PPP2R2C: variants seen among roughly 807,000 people sequenced by gnomAD.
PPP2R2C encodes the protein protein phosphatase 2 regulatory subunit Bgamma.
In PPP2R2C, 10 loss-of-function variants were observed where a neutral mutation model predicts 45.3. That is an observed-to-expected ratio of 0.22 (90% confidence interval 0.14 to 0.37). The LOEUF is 0.37. PPP2R2C is among the 10% of genes least tolerant of loss of function. The pLI is 1.00. For synonymous variants in PPP2R2C, 257 were observed against 245.4 expected, an observed-to-expected ratio of 1.05 and a Z score of -0.44; for missense variants, 308 against 619.7, an observed-to-expected ratio of 0.50 and a Z score of 5.34.
At chr4:6,511,601 G>T (rs372837167) in intron 2 of PPP2R2C, among the ~76,000 whole-genome samples, 18 of 1,428 alleles carry the variant, frequency 0.013, no homozygotes, top group Non-Finnish European at 0.011. Flanking sequence ...GTGGTGATGG[G>T]GGTGGTGGTG....
chr4:6,360,097 A>T (rs759614234), intron 5 of PPP2R2C, among the ~76,000 whole-genome samples: 1 of 152,236 alleles, frequency 6.6e-6, no homozygotes. Flanking sequence ...TGCCTAGCAC[A>T]GACCAGTCAA....
At chr4:6,448,171 A>T (rs1221259989) in intron 1 of PPP2R2C, among the ~76,000 whole-genome samples, 1 of 152,208 alleles carries the variant, frequency 6.6e-6, no homozygotes, top group Non-Finnish European at 1.5e-5. Context: ...TCTCTGTGCC[A>T]GACTCCGTCA....
At chr4:6,474,321 G>T (rs1722059709), upstream of PPP2R2C, among the ~76,000 whole-genome samples, 1 of 152,058 alleles carries the variant, frequency 6.6e-6, no homozygotes, top group Non-Finnish European at 1.5e-5. Flanking sequence ...CTGACCACAA[G>T]GGGGCCCAGG....
intron 2 of PPP2R2C, among the ~76,000 whole-genome samples, chr4:6,527,524 A>G (rs2108819156): frequency 6.6e-6 from 1 of 152,304 alleles, no homozygotes; most frequent in East Asian, 1.9e-4. Context: ...TGAGAATACC[A>G]TGAGAACACA....
chr4:6,449,630 T>C (rs1199285214), intron 1 of PPP2R2C, among the ~76,000 whole-genome samples: 12 of 152,140 alleles, frequency 7.9e-5, no homozygotes, highest in Non-Finnish European at 2.9e-5. Context: ...GAAAGCAATA[T>C]ATTCAGCAGG....
intron 5 of PPP2R2C, among the ~76,000 whole-genome samples, chr4:6,360,299 T>C (rs1713609919): frequency 6.6e-6 from 1 of 152,214 alleles, no homozygotes; most frequent in Non-Finnish European, 1.5e-5. Flanking sequence ...TTCCACACCA[T>C]CTGCAGCTTT....
upstream of PPP2R2C, among the ~76,000 whole-genome samples, chr4:6,474,160 G>A (rs1463792459): frequency 6.6e-6 from 1 of 150,380 alleles, no homozygotes; most frequent in Non-Finnish European, 1.5e-5. Flanking sequence ...CACCTGGCAT[G>A]TTCTCCTCTC....
intron 2 of PPP2R2C, chr4:6,380,431 G>T (rs1560498847): frequency 6.5e-6 from 1 of 153,450 alleles, no homozygotes; most frequent in Admixed American, 6.5e-5. Context: ...GTGAGGACAG[G>T]GGTGAGGACA....
chr4:6,395,090 T>A (rs1051491995), intron 1 of PPP2R2C, among the ~76,000 whole-genome samples: 2 of 152,118 alleles, frequency 1.3e-5, no homozygotes, highest in Non-Finnish European at 2.9e-5. Context: ...GTCTTCATCT[T>A]GACCCCATCC....
intron 2 of PPP2R2C, among the ~76,000 whole-genome samples, chr4:6,510,996 A>C (rs1365621226): frequency 1.2e-5 from 1 of 83,714 alleles, no homozygotes; most frequent in Non-Finnish European, 3.0e-5. Context: ...AAAACAAACA[A>C]ACAAAAAAAA....
intron 1 of PPP2R2C, chr4:6,413,897 G>T: frequency 6.5e-7 from 1 of 1,536,030 alleles, no homozygotes; most frequent in South Asian, 1.2e-5. Context: ...CACAGCCCCT[G>T]CTCACCCGTG....
intron 5 of PPP2R2C, 32 bp downstream of exon 5, chr4:6,372,491 G>A (rs1248221312): frequency 4.5e-6 from 7 of 1,538,820 alleles, no homozygotes; most frequent in African/African-American, 1.4e-5. Flanking sequence ...TCTGCCCGTG[G>A]GAGGCACTGG....
intron 1 of PPP2R2C, chr4:6,383,027 T>C (rs1715965546): frequency 1.9e-6 from 2 of 1,075,386 alleles, no homozygotes; most frequent in Non-Finnish European, 2.3e-6. Context: ...CCAGGTGACC[T>C]GTTCTCTGCC....
intron 6 of PPP2R2C, among the ~76,000 whole-genome samples, chr4:6,340,977 G>A (rs888136204): frequency 7.9e-5 from 12 of 152,256 alleles, no homozygotes; most frequent in African/African-American, 2.9e-4. Context: ...TCTGGGCTGA[G>A]GCTGGTCTTT....
chr4:6,434,383 G>C (rs1243611289), intron 1 of PPP2R2C, among the ~76,000 whole-genome samples: 1 of 76,732 alleles, frequency 1.3e-5, no homozygotes, highest in Non-Finnish European at 2.5e-5. Flanking sequence ...TTTGGAGACA[G>C]AGTCTCACAC....
intron 2 of PPP2R2C, among the ~76,000 whole-genome samples, chr4:6,520,417 A>G (rs1042751302): frequency 2.6e-5 from 4 of 152,186 alleles, no homozygotes; most frequent in African/African-American, 9.7e-5. Flanking sequence ...TCTCTCAGGC[A>G]CTGCCCTGAG....
At chr4:6,495,483 T>C (rs943985102) in intron 2 of PPP2R2C, among the ~76,000 whole-genome samples, 7 of 152,174 alleles carry the variant, frequency 4.6e-5, no homozygotes, top group African/African-American at 7.2e-5. Context: ...CCACCTGGGA[T>C]GAGCCATGTC....
intron 5 of PPP2R2C, among the ~76,000 whole-genome samples, chr4:6,353,939 C>A (rs1017334635): frequency 2.0e-4 from 8 of 40,684 alleles, no homozygotes; most frequent in Non-Finnish European, 4.1e-4. Flanking sequence ...GACAGCCCCC[C>A]ACACCAACAG....
chr4:6,355,993 G>GTAAAAAAA (rs1713144168), intron 5 of PPP2R2C, among the ~76,000 whole-genome samples: 1 of 97,904 alleles, frequency 1.0e-5, no homozygotes, highest in African/African-American at 3.5e-5. Context: ...ACTCTGCCTG[G>GTAAAAAAA]AAAAAAAAAA....
Sources: allele counts gnomAD v4.1 joint callset (sites outside exome capture counted in the v4.1 genomes callset), GRCh38; gene constraint gnomAD v4.1.1; transcripts MANE v1.5; gene names NCBI Gene and HGNC (gene_info 2026-07-23, HGNC 2026-07-21).